Variants in PRKAA1 observed in about 807,000 individuals in gnomAD.
PRKAA1 encodes the protein protein kinase AMP-activated catalytic subunit alpha 1, also known as 5'-AMP-activated protein kinase catalytic subunit alpha-1.
A neutral mutation model predicts 56.9 loss-of-function variants in PRKAA1; 23 were observed. The observed-to-expected ratio is 0.40, with a 90% CI of 0.29 to 0.57. PRKAA1 has a LOEUF of 0.57. PRKAA1 is among the 20% of genes least tolerant of loss of function. The probability of loss-of-function intolerance (pLI) is 0.39; values close to 1 mark genes in which losing one functional copy is unlikely to be tolerated. For synonymous variants in PRKAA1, 226 were observed against 227.0 expected (o/e 1.00, Z 0.04); for missense variants, 413 against 679.7 (o/e 0.61, Z 4.36).
At chr5:40,781,629 G>GA (rs1744270753) in intron 1 of PRKAA1, among the ~76,000 whole-genome samples, 1 of 151,868 alleles carries the variant, frequency 6.6e-6, no homozygotes, top group Non-Finnish European at 1.5e-5. Context: ...TTAAACAAAT[G>GA]AAAAAAATGA....
chr5:40,769,336 T>C, intron 5 of PRKAA1, 80 bp downstream of exon 5: 1 of 1,092,874 alleles, frequency 9.2e-7, no homozygotes, highest in Non-Finnish European at 1.3e-6. Context: ...TAGAATTAAA[T>C]ATGACACTAT....
chr5:40,774,482 AAAC>A (rs1462369459), intron 3 of PRKAA1, among the ~76,000 whole-genome samples: 2 of 152,078 alleles, frequency 1.3e-5, no homozygotes, highest in East Asian at 3.8e-4. Context: ...ACCAAGAAAT[AAAC>A]AACAACAGAA....
chr5:40,759,990 T>G lies in PRKAA1; in HGVS notation c.*2788A>C, dbSNP rs1267053541. ...GTAAAATCTGTTATACTTAAAACTA[T>G]GTATACAGTACATTTCTGGCAAAAA... On this transcript the variant is annotated 3_prime_UTR_variant, in exon 9 of 9. Transcript: ENST00000397128. The G allele has an allele frequency of 6.5e-6, 1 of 152,786 alleles. No homozygotes were observed. Among genetic ancestry groups the G allele is most frequent in the Non-Finnish European group, 1.5e-5 (1 of 68,034 alleles). 9.5% of individuals were successfully genotyped at this position (152,786 alleles called of 1,614,324 possible). A position where few individuals can be genotyped will look rare whatever the true frequency, so the allele number is the denominator to read the frequency against.
chr5:40,784,172 C>G (rs554192970), intron 1 of PRKAA1, among the ~76,000 whole-genome samples: 1 of 152,188 alleles, frequency 6.6e-6, no homozygotes, highest in Non-Finnish European at 1.5e-5. Flanking sequence ...CCTGTTCCCC[C>G]ATCTGTATCT....
At chr5:40,786,150 G>A (rs940929020) in intron 1 of PRKAA1, among the ~76,000 whole-genome samples, 3 of 151,890 alleles carry the variant, frequency 2.0e-5, no homozygotes, top group Admixed American at 1.3e-4. Context: ...AGCTACTTGA[G>A]AGACTGAGGC....
At chr5:40,771,630 T>C (rs1743751805) in intron 4 of PRKAA1, 89 bp downstream of exon 4, 13 of 1,310,140 alleles carry the variant, frequency 9.9e-6, no homozygotes, top group Non-Finnish European at 1.4e-5. Context: ...ATGTAATCTT[T>C]TACAGTTATC....
In PRKAA1 at chr5:40,777,550, A is replaced by G; in HGVS notation, c.164T>C (p.Val55Ala). 1.2e-6 allele frequency: 2 copies of G among 1,613,224 alleles called. No individual in the cohort carries two copies. The highest frequency in any genetic ancestry group is 1.7e-6 in the Non-Finnish European group (2 of 1,179,254). ...AATCTTCTGTCGATTGAGTATCTTCACAGCTACTTTATGCCCAGTCAATTC... is the reference window on the plus strand; with the variant it reads ...AATCTTCTGTCGATTGAGTATCTTCGCAGCTACTTTATGCCCAGTCAATTC... ...KHELTGHKVAVKILNRQKIRS... is the reference protein window; with the variant it reads ...KHELTGHKVAAKILNRQKIRS... The change falls in exon 2 of 9, where the codon GTG (valine) becomes GCG (alanine). Residue 55 changes from valine (V) to alanine (A), a missense_variant. This residue lies in a region of PRKAA1 where 61 missense variants were observed against 73.1 expected (regional missense o/e 0.83). Coordinates refer to ENST00000397128, the MANE Select transcript of PRKAA1 (RefSeq NM_006251.6).
At chr5:40,771,489 G>A (rs564947139) in intron 4 of PRKAA1, among the ~76,000 whole-genome samples, 5 of 152,276 alleles carry the variant, frequency 3.3e-5, no homozygotes, top group Non-Finnish European at 5.9e-5. Context: ...GCGACAAAGC[G>A]AAACCCTGCC....
rs1183171402 is a variant in PRKAA1, at chr5:40,767,624, T to C, written c.663A>G (p.Gly221=). Residue 221 remains glycine, a synonymous_variant, in exon 6 of 9, where the codon GGA becomes GGG. Transcript: ENST00000397128. ...SGVILYALLC[G]TLPFDDDHVP... ...CATGGTCATCATCAAATGGAAGGGT[T>C]CCACATAATAAAGCATAGAGAATAA... 2 of 1,613,708 alleles carry C rather than the reference T, an allele frequency of 1.2e-6. No homozygotes were observed. Among genetic ancestry groups the C allele is most frequent in the Non-Finnish European group, 1.7e-6 (2 of 1,179,784 alleles).
At chr5:40,776,506 G>C (rs1457453435) in intron 2 of PRKAA1, among the ~76,000 whole-genome samples, 1 of 152,236 alleles carries the variant, frequency 6.6e-6, no homozygotes, top group Non-Finnish European at 1.5e-5. Context: ...TCAGCATATG[G>C]ATGGTATTTA....
At chr5:40,797,263 T>C (rs1302927531) in intron 1 of PRKAA1, among the ~76,000 whole-genome samples, 1 of 152,212 alleles carries the variant, frequency 6.6e-6, no homozygotes, top group Non-Finnish European at 1.5e-5. Flanking sequence ...AAGAGTTTAT[T>C]AGAATACAAA....
At chr5:40,790,538 T>TTTGTTGTTG (rs57857426) in intron 1 of PRKAA1, among the ~76,000 whole-genome samples, 2 of 145,390 alleles carry the variant, frequency 1.4e-5, no homozygotes, top group Admixed American at 6.9e-5. Context: ...TTTTTTTTTT[T>TTTGTTGTTG]TTGTTGTTGT....
chr5:40,797,985 G>C, intron 1 of PRKAA1, 78 bp downstream of exon 1: 2 of 1,568,024 alleles, frequency 1.3e-6, no homozygotes, highest in South Asian at 2.2e-5. Flanking sequence ...AGCGGGCGGG[G>C]GAGGATGAAG....
At chr5:40,785,877 G>A (rs1018328555) in intron 1 of PRKAA1, among the ~76,000 whole-genome samples, 1 of 149,118 alleles carries the variant, frequency 6.7e-6, no homozygotes, top group African/African-American at 2.5e-5. Flanking sequence ...GAGAGAGAGA[G>A]AGCAAGCGAG....
intron 8 of PRKAA1, 23 bp downstream of exon 8, chr5:40,764,491 G>A (rs1451870734): frequency 6.3e-7 from 1 of 1,597,398 alleles, no homozygotes; most frequent in African/African-American, 1.3e-5. Flanking sequence ...TCTAATCTAT[G>A]TTGTTTTGTG....
At chr5:40,788,889 C>A (rs530063767) in intron 1 of PRKAA1, among the ~76,000 whole-genome samples, 1 of 151,506 alleles carries the variant, frequency 6.6e-6, no homozygotes. Context: ...ACTGAGAAAA[C>A]GTATTTACAA....
chr5:40,762,729 CTTA>C lies in PRKAA1; in HGVS notation c.*46_*48del. ...TACAAATGGAAGCATTTGGCTGTGA[CTTA>C]TTATGCATGCTTATTGCTGCAAAAG... On this transcript the variant is annotated 3_prime_UTR_variant, in exon 9 of 9. Transcript: ENST00000397128. 1.2e-6 allele frequency: 2 copies of C among 1,600,902 alleles called. No individual in the cohort carries two copies. The highest frequency in any genetic ancestry group is 1.3e-5 in the African/African-American group (1 of 74,570).
intron 3 of PRKAA1, among the ~76,000 whole-genome samples, 188 bp downstream of exon 3, chr5:40,775,222 A>C (rs1223203688): frequency 1.3e-5 from 2 of 152,206 alleles, no homozygotes; most frequent in Non-Finnish European, 2.9e-5. Flanking sequence ...ACATCTGTAT[A>C]AACAGGCTAA....
chr5:40,763,943 A>T (rs780832964), intron 8 of PRKAA1, among the ~76,000 whole-genome samples: 3 of 152,060 alleles, frequency 2.0e-5, no homozygotes, highest in Admixed American at 1.3e-4. Context: ...ATATATATAT[A>T]TTTTAATATT....
Sources: gnomAD v4.1 joint callset for allele counts (sites outside exome capture counted in the v4.1 genomes callset) on GRCh38, gnomAD v4.1.1 for gene constraint, gnomAD v4.1.1 regional missense constraint, MANE v1.5 for transcripts, NCBI Gene and HGNC (gene_info 2026-07-23, HGNC 2026-07-21) for gene names.